CCAR2: variants seen among roughly 807,000 people sequenced by gnomAD.
CCAR2 encodes the protein cell cycle and apoptosis regulator 2.
A neutral mutation model predicts 108.1 loss-of-function variants in CCAR2; 21 were observed. That is an observed-to-expected ratio of 0.19 (90% confidence interval 0.14 to 0.28). CCAR2 has a LOEUF of 0.28. Among genes scored for constraint, CCAR2 ranks in the 10% least tolerant of loss-of-function variants. The pLI, the probability that CCAR2 is intolerant of heterozygous loss-of-function variation, is 1.00. For synonymous variants in CCAR2, 577 were observed against 472.8 expected, an observed-to-expected ratio of 1.22 and a Z score of -2.86; for missense variants, 1,126 against 1,177.0, an observed-to-expected ratio of 0.96 and a Z score of 0.63.
At position 22,614,613 on chromosome 8, in the gene CCAR2, G is replaced by T; in HGVS notation, c.1041+110G>T. The T allele has an allele frequency of 1.8e-6, 2 of 1,109,566 alleles. 1 individual carries two copies. The highest frequency in any genetic ancestry group is 3.9e-4 in the Middle Eastern group (2 of 5,154). The allele number at this position is 1,109,566 out of a possible 1,614,324, so 68.7% of individuals were successfully genotyped here. ...AATGCATAAAACGAGGCATCTCAGAGCCGAACACCCCTCATTTCACCCAGG... is the reference window on the plus strand; with the variant it reads ...AATGCATAAAACGAGGCATCTCAGATCCGAACACCCCTCATTTCACCCAGG... On this transcript the variant is annotated intron_variant, in intron 10 of 20. Transcript: ENST00000308511.
intron 7 of CCAR2, among the ~76,000 whole-genome samples, chr8:22,609,922 C>G (rs187714026): frequency 6.6e-5 from 10 of 152,280 alleles, no homozygotes; most frequent in Admixed American, 3.3e-4. Context: ...TCCTTAAACC[C>G]AAAGTACTCT....
chr8:22,618,619 C>T lies in CCAR2; in HGVS notation c.2223C>T (p.Ala741=), dbSNP rs1457863334. 2 of 1,613,978 alleles carry T rather than the reference C, an allele frequency of 1.2e-6. No homozygotes were observed. Among genetic ancestry groups the T allele is most frequent in the African/African-American group, 2.7e-5 (2 of 74,926 alleles). Residue 741 remains alanine, a splice_region_variant and synonymous_variant, in exon 18 of 21, where the codon GCC becomes GCT. Coordinates refer to ENST00000308511, the MANE Select transcript of CCAR2 (RefSeq NM_001393997.1). ...TLGIRLSAEQ[A]KQLVSRVVTQ... is the part of the protein sequence containing the mutation. Reference sequence around the variant, plus strand: ...ATCAGCAGATGTGTTTTCTGCAGGCCAAGCAGCTGGTCAGCAGGGTGGTGA... The same window carrying T: ...ATCAGCAGATGTGTTTTCTGCAGGCTAAGCAGCTGGTCAGCAGGGTGGTGA...
chr8:22,616,467 C>T (rs1801512924), intron 14 of CCAR2: 2 of 581,504 alleles, frequency 3.4e-6, no homozygotes, highest in Admixed American at 3.1e-5. Flanking sequence ...CACAGAAACC[C>T]TTGTCACTGA....
rs139030883 is a variant in CCAR2 at position 22,617,420 on chromosome 8, A to G, written c.1846A>G (p.Lys616Glu). ...TTATAACCTTTGTCTGCCTCTGTAG[A>G]AGGAGGATGGGCTTTTGCCCAAACC... ...GPATESEAPL[K>E]EDGLLPKPLS... is the part of the protein sequence containing the mutation. The change falls in exon 15 of 21, where the codon AAG becomes GAG. Residue 616 changes from lysine (K) to glutamate (E), a missense_variant and splice_region_variant. By Grantham distance (56) the Lys-to-Glu change is moderately conservative. Coordinates refer to ENST00000308511, the MANE Select transcript of CCAR2 (RefSeq NM_001393997.1). 8.0e-5 allele frequency: 123 copies of G among 1,537,744 alleles called. No individual in the cohort carries two copies. Among genetic ancestry groups the G allele is most frequent in the African/African-American group, 6.4e-4 (46 of 72,016 alleles).
At chr8:22,605,061 C>T (rs1490271828) in intron 1 of CCAR2, 3 of 266,076 alleles carry the variant, frequency 1.1e-5, no homozygotes, top group Non-Finnish European at 2.2e-5. Context: ...TTGGTGGCCT[C>T]GCCGCGGCTC....
At chr8:22,618,152 A>G in intron 16 of CCAR2, 197 bp from the exon 17 acceptor site, 2 of 662,298 alleles carry the variant, frequency 3.0e-6, no homozygotes, top group Non-Finnish European at 5.2e-6. Flanking sequence ...ATTCACAGGC[A>G]TGAATATAGT....
At position 22,618,514 on chromosome 8, in the gene CCAR2, C is replaced by T. The variant is rs146285777; in HGVS notation, c.2220+19C>T. ...AGAGCAGGTACCTTCTTTCCTCTGCCCCAGCACATGGGCACAGGCCTGCAC... is the reference window on the plus strand; with the variant it reads ...AGAGCAGGTACCTTCTTTCCTCTGCTCCAGCACATGGGCACAGGCCTGCAC... On this transcript the variant is annotated intron_variant, in intron 17 of 20. Transcript: ENST00000308511. The T allele has an allele frequency of 1.1e-5, 17 of 1,614,150 alleles. No individual in the cohort carries two copies. In the African/African-American group the frequency reaches 2.1e-4, roughly 20 times the overall value.
In CCAR2 at chr8:22,618,613, G is replaced by GC. The variant is rs1252613305; in HGVS notation, c.2221-3dup. ...CTTCTGATCAGCAGATGTGTTTTCTGCAGGCCAAGCAGCTGGTCAGCAGGG... is the reference window on the plus strand; with the variant it reads ...CTTCTGATCAGCAGATGTGTTTTCTGCCAGGCCAAGCAGCTGGTCAGCAGGG... On this transcript the variant is annotated splice_region_variant and splice_polypyrimidine_tract_variant and intron_variant, in intron 17 of 20. Coordinates refer to ENST00000308511, the MANE Select transcript of CCAR2 (RefSeq NM_001393997.1). The GC allele has an allele frequency of 1.2e-6, 2 of 1,613,958 alleles. No homozygotes were observed. Among genetic ancestry groups the GC allele is most frequent in the African/African-American group, 2.7e-5 (2 of 74,924 alleles).
In CCAR2 at chr8:22,617,578, TGAGAGGG is replaced by T. The variant is rs1801575574; in HGVS notation, c.1990+18_1990+24del. ...AGGAGGAGTTTGGTATGTTGAGTGG[TGAGAGGG>T]GAGCTTGCAGGCTTGGGATGTGGCT... On this transcript the variant is annotated intron_variant, in intron 15 of 20. Coordinates refer to ENST00000308511, the MANE Select transcript of CCAR2 (RefSeq NM_001393997.1). 1 of 1,603,918 alleles carries T rather than the reference TGAGAGGG, an allele frequency of 6.2e-7. No homozygotes were observed. Among genetic ancestry groups the T allele is most frequent in the Admixed American group, 1.7e-5 (1 of 59,190 alleles).
At position 22,605,737 on chromosome 8, in the gene CCAR2, C is replaced by T. The variant is rs762658295; in HGVS notation, c.-37C>T. 4.4e-6 allele frequency: 7 copies of T among 1,586,990 alleles called. No individual in the cohort carries two copies. In the African/African-American group the frequency reaches 6.8e-5, roughly 15 times the overall value. On this transcript the variant is annotated splice_region_variant and 5_prime_UTR_variant, in exon 2 of 21. Coordinates refer to ENST00000308511, the MANE Select transcript of CCAR2 (RefSeq NM_001393997.1). ...AATTTCTTTCTTTTTGGATTGAAGC[C>T]TTTTCCCCACGACTCTGAAAGAGGA...
rs201898844 is a variant in CCAR2 at position 22,606,724 on chromosome 8, G to A, written c.242+26G>A. The A allele has an allele frequency of 2.0e-4, 316 of 1,581,926 alleles. 1 individual carries two copies. The Admixed American group carries it at 2.4e-3, about 12-fold the overall frequency. ...GTAGGCTTGAGGTTGGTCCCCTAACGGAAATGCTTATTGGATTCAGTTCTG... is the reference window on the plus strand; with the variant it reads ...GTAGGCTTGAGGTTGGTCCCCTAACAGAAATGCTTATTGGATTCAGTTCTG... On this transcript the variant is annotated intron_variant, in intron 4 of 20. Coordinates refer to ENST00000308511, the MANE Select transcript of CCAR2 (RefSeq NM_001393997.1).
At position 22,619,677 on chromosome 8, in the gene CCAR2, A is replaced by AACTG; in HGVS notation, c.2770_*1dup. 1 of 1,572,732 alleles carries AACTG rather than the reference A, an allele frequency of 6.4e-7. No homozygotes were observed. The highest frequency in any genetic ancestry group is 1.2e-5 in the South Asian group (1 of 85,706). ...GGAGAAGGAGGAGCCGGCACCTAGC[A>AACTG]ACTGACGGCCTCGCACGGAACTGCC... On this transcript the variant is annotated stop_gained and frameshift_variant, in exon 21 of 21. Coordinates refer to ENST00000308511, the MANE Select transcript of CCAR2 (RefSeq NM_001393997.1). LOFTEE classifies it high-confidence loss of function.
In CCAR2 at chr8:22,618,930, G is replaced by A; in HGVS notation, c.2436G>A (p.Val812=). 1.9e-6 allele frequency: 3 copies of A among 1,613,784 alleles called. No individual in the cohort carries two copies. Among genetic ancestry groups the A allele is most frequent in the East Asian group, 2.2e-5 (1 of 44,882 alleles). The change falls in exon 19 of 21, where the codon GTG becomes GTA. Residue 812 remains valine, a synonymous_variant. Coordinates refer to ENST00000308511, the MANE Select transcript of CCAR2 (RefSeq NM_001393997.1). ...CCCACAATGGCAGCCTGATTAACGT[G>A]GGGAGCCTGCTGCAGCGCGCGGAGC... is the stretch of plus-strand genomic sequence containing the variant. ...LVSHNGSLIN[V]GSLLQRAEQQ... is the part of the protein sequence containing the mutation.
rs200495568 is a variant in CCAR2 at position 22,614,455 on chromosome 8, C to A, written c.993C>A (p.Asp331Glu). Reference sequence around the variant, plus strand: ...GTTGTTGCATGCTCTTTGTGGATGACATGGCTGAGCCAAGGGAGACGCCAG... The same window carrying A: ...GTTGTTGCATGCTCTTTGTGGATGAAATGGCTGAGCCAAGGGAGACGCCAG... ...LYRCCMLFVDDMAEPRETPEH... is the reference protein window; with the variant it reads ...LYRCCMLFVDEMAEPRETPEH... The change falls in exon 10 of 21, where the codon GAC becomes GAA. Residue 331 changes from aspartate (D) to glutamate (E), a missense_variant. This residue lies in a region of CCAR2 where 1,013 missense variants were observed against 993.9 expected (regional missense o/e 1.02). Transcript: ENST00000308511. 1 of 1,614,194 alleles carries A rather than the reference C, an allele frequency of 6.2e-7. No individual in the cohort carries two copies.
chr8:22,614,237 T>A lies in CCAR2; in HGVS notation c.850T>A (p.Ser284Thr). The A allele has an allele frequency of 6.2e-7, 1 of 1,614,066 alleles. No homozygotes were observed. The highest frequency in any genetic ancestry group is 2.2e-5 in the East Asian group (1 of 44,882). The change falls in exon 9 of 21, where the codon TCT (serine) becomes ACT (threonine). Residue 284 changes from serine to threonine, a missense_variant. Around this residue, in one of 4 missense-constraint regions of CCAR2, gnomAD observed 1,013 missense variants for 993.9 expected, o/e 1.02. Transcript: ENST00000308511. ...CCATCATCCAAGCCGGATCCAGGTC[T>A]CTTCTGAAAAGGAGGCAGCTCCAGA... The part of the protein sequence containing the change: ...SLHHPSRIQV[S>T]SEKEAAPDAG...
rs1284830972 is a variant in CCAR2, at chr8:22,615,580, C to T, written c.1361C>T (p.Thr454Ile). 3.1e-6 allele frequency: 5 copies of T among 1,613,926 alleles called. No homozygotes were observed. Among genetic ancestry groups the T allele is most frequent in the Non-Finnish European group, 4.2e-6 (5 of 1,180,028 alleles). ...QQKAAEAAPP[T>I]QEAQGETEPT... is the part of the protein sequence containing the mutation. ...AAAGCTGCAGAGGCAGCTCCCCCAA[C>T]CCAGGAGGCACAAGGGGTAAGGCTG... The change falls in exon 12 of 21, where the codon ACC (threonine) becomes ATC (isoleucine). Residue 454 changes from threonine to isoleucine, a missense_variant. Transcript: ENST00000308511.
chr8:22,605,429 G>C (rs1454967541), intron 1 of CCAR2: 2 of 239,478 alleles, frequency 8.4e-6, no homozygotes. Flanking sequence ...GTGAGTAGCA[G>C]TTTTGTCACT....
chr8:22,618,241 T>C, intron 16 of CCAR2, 108 bp from the exon 17 acceptor site: 1 of 1,429,110 alleles, frequency 7.0e-7, no homozygotes, highest in Non-Finnish European at 9.7e-7. Flanking sequence ...CAGGCATGCA[T>C]CACTGCATGT....
chr8:22,613,355 CT>C (rs5890057), intron 8 of CCAR2, among the ~76,000 whole-genome samples: 6,645 of 125,366 alleles, frequency 0.053, 222 homozygotes, highest in East Asian at 0.23. Flanking sequence ...AGATCTAGTT[CT>C]TTTTTTTTTT....
Sources: allele counts gnomAD v4.1 joint callset (sites outside exome capture counted in the v4.1 genomes callset), GRCh38; gene constraint gnomAD v4.1.1; regional missense constraint gnomAD v4.1.1; transcripts MANE v1.5; gene names NCBI Gene and HGNC (gene_info 2026-07-23, HGNC 2026-07-21).